The following TNFSF10 variants were observed in gnomAD, a reference collection of about 807,000 sequenced individuals.
The protein encoded by TNFSF10 is TNF superfamily member 10.
Under a neutral mutation model 29.5 loss-of-function variants are expected in TNFSF10, and 13 were observed. The ratio of observed to expected loss-of-function variants is 0.44; its 90% confidence interval spans 0.29 to 0.70. The LOEUF is 0.70. Ranked by LOEUF, TNFSF10 falls within the 30% of genes least tolerant of loss-of-function variation. The pLI is 0.13. For synonymous variants in TNFSF10, 111 were observed against 112.8 expected, an observed-to-expected ratio of 0.98 and a Z score of 0.10; for missense variants, 345 against 330.9, an observed-to-expected ratio of 1.04 and a Z score of -0.33.
chr3:172,513,055 G>T (rs1050354839), intron 2 of TNFSF10, among the ~76,000 whole-genome samples: 3 of 152,296 alleles, frequency 2.0e-5, no homozygotes, highest in East Asian at 3.9e-4. Context: ...AAGAAAAAGA[G>T]AATTATTTTT....
At position 172,523,362 on chromosome 3, in the gene TNFSF10, C is replaced by T; in HGVS notation, c.23G>A (p.Gly8Glu). Reference sequence around the variant, plus strand: ...GCAGGTCTGTCCCAGGCTGGGTCCCCCCTGGACCTCCATCATAGCCATGAT... The same window carrying T: ...GCAGGTCTGTCCCAGGCTGGGTCCCTCCTGGACCTCCATCATAGCCATGAT... The part of the protein sequence containing the change: MAMMEVQ[G>E]GPSLGQTCVL... Residue 8 changes from glycine to glutamate, a missense_variant, in exon 1 of 5, where the codon GGG becomes GAG. Coordinates refer to ENST00000241261, the MANE Select transcript of TNFSF10 (RefSeq NM_003810.4). The T allele has an allele frequency of 6.2e-7, 1 of 1,613,902 alleles. No individual in the cohort carries two copies. Among genetic ancestry groups the T allele is most frequent in the Non-Finnish European group, 8.5e-7 (1 of 1,179,832 alleles).
intron 2 of TNFSF10, among the ~76,000 whole-genome samples, chr3:172,514,492 A>C (rs1043017035): frequency 2.0e-5 from 3 of 152,134 alleles, no homozygotes; most frequent in African/African-American, 7.2e-5. Flanking sequence ...TCATTATTTG[A>C]TCTTCTTTAT....
At chr3:172,522,183 A>T (rs900097121) in intron 1 of TNFSF10, 8 of 379,498 alleles carry the variant, frequency 2.1e-5, no homozygotes, top group African/African-American at 1.0e-4. Flanking sequence ...CGTTCTGTAC[A>T]CGTATCCCAG....
At chr3:172,521,363 G>GA (rs1713689235) in intron 1 of TNFSF10, among the ~76,000 whole-genome samples, 2 of 151,910 alleles carry the variant, frequency 1.3e-5, no homozygotes, top group Admixed American at 1.3e-4. Flanking sequence ...AAATTGACAA[G>GA]AAAAAAACCA....
Position 172,506,894 on chromosome 3 carries a change from G to A in TNFSF10, c.444C>T (p.Gly148=). 6.2e-7 allele frequency: 1 copy of A among 1,606,060 alleles called. No homozygotes were observed. Among genetic ancestry groups the A allele is most frequent in the Non-Finnish European group, 8.5e-7 (1 of 1,177,454 alleles). The change falls in exon 5 of 5, where the codon GGC becomes GGT. Residue 148 remains glycine, a synonymous_variant. Coordinates refer to ENST00000241261, the MANE Select transcript of TNFSF10 (RefSeq NM_003810.4). ...ATGATTCCCAGGAGTTTATTTTGCG[G>A]CCCAGAGCCTTTTCATTCTTGGAGT... ...SPNSKNEKAL[G]RKINSWESSR...
intron 1 of TNFSF10, among the ~76,000 whole-genome samples, chr3:172,521,605 G>A (rs1031106630): frequency 6.6e-6 from 1 of 152,182 alleles, no homozygotes; most frequent in African/African-American, 2.4e-5. Flanking sequence ...GTTGGTGGGA[G>A]TATAAATTAG....
intron 3 of TNFSF10, among the ~76,000 whole-genome samples, chr3:172,511,030 G>C (rs1201032696): frequency 6.6e-6 from 1 of 152,140 alleles, no homozygotes; most frequent in Non-Finnish European, 1.5e-5. Flanking sequence ...TGGAGTGCCA[G>C]ATGGAAAGCT....
intron 1 of TNFSF10, among the ~76,000 whole-genome samples, chr3:172,516,090 A>G (rs572025539): frequency 1.3e-4 from 20 of 152,098 alleles, no homozygotes; most frequent in South Asian, 6.2e-4. Flanking sequence ...GTGAAACCCC[A>G]TCTCTACTAA....
intron 4 of TNFSF10, among the ~76,000 whole-genome samples, chr3:172,508,303 CA>C (rs10716802): frequency 0.7 from 104,697 of 149,636 alleles, 36,690 homozygotes; most frequent in Middle Eastern, 0.78. Flanking sequence ...CTCAAAAAAA[CA>C]AAAAAAAAAC....
chr3:172,514,982 G>C lies in TNFSF10; in HGVS notation c.149C>G (p.Ser50Cys). ...TAAGAAACAAGCAATGCCACTTTTG[G>C]AGTACTTGTCCTGCATCTGGGTTGA... is the stretch of plus-strand genomic sequence containing the variant. ...NELKQMQDKY[S>C]KSGIACFLKE... Residue 50 changes from serine to cysteine, a missense_variant, in exon 2 of 5, where the codon TCC becomes TGC. Ser to Cys is a moderately radical substitution (Grantham distance 112, BLOSUM62 -1). Transcript: ENST00000241261. 11 of 1,614,076 alleles carry C rather than the reference G, an allele frequency of 6.8e-6. No individual in the cohort carries two copies. Among genetic ancestry groups the C allele is most frequent in the Non-Finnish European group, 7.6e-6 (9 of 1,180,010 alleles).
chr3:172,517,692 A>G (rs1713493067), intron 1 of TNFSF10: 1 of 985,084 alleles, frequency 1.0e-6, no homozygotes, highest in Admixed American at 6.2e-5. Flanking sequence ...TCATAAGACT[A>G]TATAAAAATG....
Position 172,517,654 on chromosome 3 carries a change from G to A in TNFSF10, c.133-2656C>T, listed in dbSNP as rs961365918. The A allele has an allele frequency of 6.1e-6, 6 of 985,266 alleles. No individual in the cohort carries two copies. The African/African-American group carries it at 1.0e-4, about 17-fold the overall frequency. 61.0% of individuals were successfully genotyped at this position (985,266 alleles called of 1,614,324 possible). The stretch of plus-strand genomic sequence containing the variant: ...ACAGGGGTGAGATCAGACTGTGTGT[G>A]TGCATAATTTTGAGTATGGTTGTTT... On this transcript the variant is annotated intron_variant, in intron 1 of 4. Coordinates refer to ENST00000241261, the MANE Select transcript of TNFSF10 (RefSeq NM_003810.4).
Position 172,514,976 on chromosome 3 carries a change from C to G in TNFSF10, c.155G>C (p.Ser52Thr). ...TTCTTTTAAGAAACAAGCAATGCCA[C>G]TTTTGGAGTACTTGTCCTGCATCTG... is the stretch of plus-strand genomic sequence containing the variant. ...LKQMQDKYSKSGIACFLKEDD... is the reference protein window; with the variant it reads ...LKQMQDKYSKTGIACFLKEDD... The change falls in exon 2 of 5, where the codon AGT (serine) becomes ACT (threonine). Residue 52 changes from serine (S) to threonine (T), a missense_variant. Physicochemically the swap from Ser to Thr is moderately conservative, Grantham distance 58. Transcript: ENST00000241261. 1 of 1,614,146 alleles carries G rather than the reference C, an allele frequency of 6.2e-7. No individual in the cohort carries two copies. Among genetic ancestry groups the G allele is most frequent in the Non-Finnish European group, 8.5e-7 (1 of 1,180,014 alleles).
At chr3:172,514,503 C>G (rs1713351711) in intron 2 of TNFSF10, among the ~76,000 whole-genome samples, 2 of 152,056 alleles carry the variant, frequency 1.3e-5, no homozygotes, top group African/African-American at 4.8e-5. Flanking sequence ...TCTTCTTTAT[C>G]TTTTGAATGA....
chr3:172,521,257 C>G (rs548284744), intron 1 of TNFSF10, among the ~76,000 whole-genome samples: 1 of 152,220 alleles, frequency 6.6e-6, no homozygotes, highest in African/African-American at 2.4e-5. Context: ...TCAGAGTGAA[C>G]AGGGAACCTA....
chr3:172,523,197 G>C, intron 1 of TNFSF10, 56 bp downstream of exon 1: 1 of 1,517,202 alleles, frequency 6.6e-7, no homozygotes, highest in East Asian at 2.3e-5. Flanking sequence ...CAAAGAAGCA[G>C]GTAACCAGAC....
At chr3:172,521,878 AT>A (rs528130136) in intron 1 of TNFSF10, among the ~76,000 whole-genome samples, 49 of 152,328 alleles carry the variant, frequency 3.2e-4, no homozygotes, top group African/African-American at 1.2e-3. Context: ...AAAAGAATGA[AT>A]TCATGTCCTT....
At chr3:172,511,551 G>C (rs1366818117) in intron 3 of TNFSF10, 66 bp downstream of exon 3, 1 of 1,322,900 alleles carries the variant, frequency 7.6e-7, no homozygotes, top group East Asian at 2.4e-5. Context: ...GGAGAATGGA[G>C]AACTATTCAC....
At chr3:172,517,226 G>T in intron 1 of TNFSF10, 1 of 642,624 alleles carries the variant, frequency 1.6e-6, no homozygotes, top group Non-Finnish European at 1.9e-6. Context: ...AACTGAGGTG[G>T]AGTTTGACAA....
Sources: gnomAD v4.1 joint callset for allele counts (sites outside exome capture counted in the v4.1 genomes callset) on GRCh38, gnomAD v4.1.1 for gene constraint, MANE v1.5 for transcripts, NCBI Gene and HGNC (gene_info 2026-07-23, HGNC 2026-07-21) for gene names.